Variants in SLC9A9 observed in about 807,000 individuals in gnomAD.
The protein encoded by SLC9A9 is sodium/hydrogen exchanger 9.
A neutral mutation model predicts 77.8 loss-of-function variants in SLC9A9; 62 were observed. That is an observed-to-expected ratio of 0.80 (90% CI 0.65 to 0.98). SLC9A9 has a LOEUF of 0.98. SLC9A9 is among the 50% of genes least tolerant of loss of function. The probability of loss-of-function intolerance (pLI) is 0.00; values close to 1 mark genes in which losing one functional copy is unlikely to be tolerated. For missense variants in SLC9A9, 775 were observed against 774.9 expected, an observed-to-expected ratio of 1.00 and a Z score of 0.00; for synonymous variants, 320 against 283.5, an observed-to-expected ratio of 1.13 and a Z score of -1.29.
intron 11 of SLC9A9, among the ~76,000 whole-genome samples, chr3:143,490,268 C>G (rs542386360): frequency 5.1e-4 from 77 of 152,162 alleles, no homozygotes; most frequent in African/African-American, 1.8e-3. Flanking sequence ...TGAAAGGAAC[C>G]CAAGTGTCCA....
intron 9 of SLC9A9, among the ~76,000 whole-genome samples, chr3:143,549,052 G>A (rs1166277787): frequency 9.9e-5 from 15 of 152,252 alleles, no homozygotes. Flanking sequence ...CGTTGACAGT[G>A]TGAACACAAC....
At chr3:143,752,474 C>T (rs1157393694) in intron 4 of SLC9A9, among the ~76,000 whole-genome samples, 1 of 152,190 alleles carries the variant, frequency 6.6e-6, no homozygotes, top group African/African-American at 2.4e-5. Context: ...GCATAGCGGC[C>T]TCCATAGGTC....
intron 5 of SLC9A9, among the ~76,000 whole-genome samples, chr3:143,676,740 A>G (rs936406501): frequency 1.3e-5 from 2 of 152,166 alleles, no homozygotes; most frequent in African/African-American, 4.8e-5. Context: ...CTTCTCAAAC[A>G]AACAAACAAA....
intron 9 of SLC9A9, among the ~76,000 whole-genome samples, chr3:143,501,297 G>C (rs1197619778): frequency 6.6e-6 from 1 of 150,638 alleles, no homozygotes; most frequent in Non-Finnish European, 1.5e-5. Flanking sequence ...AACAATTAAA[G>C]AAATAAAGGA....
At chr3:143,825,950 C>A (rs966196688) in intron 2 of SLC9A9, among the ~76,000 whole-genome samples, 4 of 152,126 alleles carry the variant, frequency 2.6e-5, no homozygotes, top group African/African-American at 9.7e-5. Context: ...TTGATTCATT[C>A]ATTCATCAGT....
In SLC9A9 at chr3:143,430,466, C is replaced by T. The variant is rs1016149576; in HGVS notation, c.1469+36571G>A. ...TTGCTGGCATAGGGCCTGGTCCCTA[C>T]TGTTGAATCAGTGATGTTCACAGGC... On this transcript the variant is annotated intron_variant, in intron 12 of 15. Transcript: ENST00000316549. 2.0e-5 allele frequency among the ~76,000 whole-genome samples: 3 copies of T among 152,228 alleles called. No individual in the cohort carries two copies. In the South Asian group the frequency reaches 6.2e-4, roughly 32 times the overall value.
intron 11 of SLC9A9, among the ~76,000 whole-genome samples, chr3:143,470,326 A>C (rs955181392): frequency 2.5e-4 from 38 of 152,020 alleles, no homozygotes; most frequent in African/African-American, 8.9e-4. Flanking sequence ...TAAAAATACA[A>C]AAAATTAGCT....
At chr3:143,516,264 G>A (rs570163969) in intron 9 of SLC9A9, among the ~76,000 whole-genome samples, 93 of 151,206 alleles carry the variant, frequency 6.2e-4, no homozygotes, top group Middle Eastern at 6.8e-3. Context: ...TATCAAAATT[G>A]TCTATTTTAT....
chr3:143,622,541 A>G (rs2038236224), intron 6 of SLC9A9, among the ~76,000 whole-genome samples: 1 of 152,192 alleles, frequency 6.6e-6, no homozygotes, highest in Admixed American at 6.5e-5. Flanking sequence ...GGAGAAATAA[A>G]ATACTTTACA....
At chr3:143,645,984 T>C (rs1004751068) in intron 6 of SLC9A9, among the ~76,000 whole-genome samples, 4 of 152,126 alleles carry the variant, frequency 2.6e-5, no homozygotes, top group Non-Finnish European at 4.4e-5. Context: ...TATTTCTGTT[T>C]TGCAGATAAA....
At chr3:143,657,991 T>C (rs1256547212) in intron 5 of SLC9A9, among the ~76,000 whole-genome samples, 1 of 152,132 alleles carries the variant, frequency 6.6e-6, no homozygotes, top group Non-Finnish European at 1.5e-5. Flanking sequence ...CTAAGCCTCC[T>C]GAATAGCTGG....
intron 11 of SLC9A9, among the ~76,000 whole-genome samples, chr3:143,492,142 A>G (rs1205676930): frequency 6.6e-6 from 1 of 151,614 alleles, no homozygotes; most frequent in Non-Finnish European, 1.5e-5. Context: ...AATACAAAAA[A>G]TTAGCCGGGC....
chr3:143,821,489 G>A (rs977082906), intron 2 of SLC9A9, among the ~76,000 whole-genome samples: 8 of 152,188 alleles, frequency 5.3e-5, no homozygotes, highest in African/African-American at 1.4e-4. Context: ...AGCTGAAAAT[G>A]TGATGCTCTA....
At chr3:143,333,139 C>G (rs1479898596) in intron 14 of SLC9A9, among the ~76,000 whole-genome samples, 3 of 152,176 alleles carry the variant, frequency 2.0e-5, no homozygotes, top group Non-Finnish European at 4.4e-5. Context: ...CTGATTGGCT[C>G]AAATCCTCAC....
chr3:143,657,336 A>G (rs2038908076), intron 5 of SLC9A9, among the ~76,000 whole-genome samples: 1 of 152,220 alleles, frequency 6.6e-6, no homozygotes, highest in African/African-American at 2.4e-5. Flanking sequence ...AACCATCAAT[A>G]TGCTATATCA....
chr3:143,845,457 C>A (rs1268393205), intron 1 of SLC9A9, among the ~76,000 whole-genome samples: 1 of 152,144 alleles, frequency 6.6e-6, no homozygotes, highest in African/African-American at 2.4e-5. Context: ...TTTAGGACAT[C>A]CCTGAAGAAG....
intron 9 of SLC9A9, among the ~76,000 whole-genome samples, chr3:143,522,024 T>C (rs1313779967): frequency 6.6e-6 from 1 of 152,144 alleles, no homozygotes; most frequent in Non-Finnish European, 1.5e-5. Context: ...CTTCCAAAGA[T>C]GCTTTTTGAC....
At chr3:143,465,697 C>T (rs1259306244) in intron 12 of SLC9A9, among the ~76,000 whole-genome samples, 1 of 152,170 alleles carries the variant, frequency 6.6e-6, no homozygotes, top group Admixed American at 6.5e-5. Context: ...AAACACACCA[C>T]CGTCTTACTA....
At chr3:143,681,811 C>T (rs571292777) in intron 5 of SLC9A9, among the ~76,000 whole-genome samples, 1 of 152,288 alleles carries the variant, frequency 6.6e-6, no homozygotes, top group Admixed American at 6.5e-5. Flanking sequence ...TGATAGCAGT[C>T]CTCTGAGTGG....
Sources: allele counts gnomAD v4.1 joint callset (sites outside exome capture counted in the v4.1 genomes callset), GRCh38; gene constraint gnomAD v4.1.1; transcripts MANE v1.5; gene names NCBI Gene and HGNC (gene_info 2026-07-23, HGNC 2026-07-21).